SUPT3H: variants seen among roughly 807,000 people sequenced by gnomAD.
SUPT3H encodes the protein transcription initiation protein SPT3 homolog.
A neutral mutation model predicts 44.3 loss-of-function variants in SUPT3H; 44 were observed. The observed-to-expected ratio is 0.99, with a 90% CI of 0.78 to 1.28. The LOEUF is 1.28. SUPT3H is among the 50% of genes most tolerant of loss of function. The probability of loss-of-function intolerance (pLI) is 0.00; values close to 1 mark genes in which losing one functional copy is unlikely to be tolerated. For missense variants in SUPT3H, 380 were observed against 387.1 expected (o/e 0.98, Z 0.15); for synonymous variants, 124 against 125.6 (o/e 0.99, Z 0.09).
chr6:44,947,945 T>C (rs961984357), intron 9 of SUPT3H, among the ~76,000 whole-genome samples: 10 of 152,188 alleles, frequency 6.6e-5, no homozygotes, highest in African/African-American at 2.4e-4. Context: ...CAAAGGTTTC[T>C]TAGGACACAG....
chr6:45,101,455 A>G (rs1319603867), intron 3 of SUPT3H, among the ~76,000 whole-genome samples: 1 of 152,206 alleles, frequency 6.6e-6, no homozygotes, highest in Non-Finnish European at 1.5e-5. Context: ...AGTTGATCTC[A>G]TAATAGTAGA....
At chr6:45,075,165 A>G (rs1794849192) in intron 3 of SUPT3H, among the ~76,000 whole-genome samples, 1 of 152,130 alleles carries the variant, frequency 6.6e-6, no homozygotes, top group Admixed American at 6.5e-5. Flanking sequence ...CACTATTAGC[A>G]GAAATGAAAA....
intron 3 of SUPT3H, among the ~76,000 whole-genome samples, chr6:45,104,194 C>T (rs542958601): frequency 6.6e-6 from 1 of 152,064 alleles, no homozygotes; most frequent in African/African-American, 2.4e-5. Context: ...CATATGCTTC[C>T]TTTTTTATCT....
rs988761710 is a variant in SUPT3H at position 45,162,001 on chromosome 6, T to C, written c.102-55995A>G. On this transcript the variant is annotated intron_variant, in intron 2 of 10. Transcript: ENST00000371459. ...CAACCACAGCATTCCAACAAATACA[T>C]AGGAATGTGTATAACTCTTCAGAAC... Among the ~76,000 whole-genome samples the C allele has an allele frequency of 1.1e-4, 17 of 151,276 alleles. No individual in the cohort carries two copies. The South Asian group carries it at 1.7e-3, about 15-fold the overall frequency.
chr6:45,086,807 C>T (rs930384650), intron 3 of SUPT3H, among the ~76,000 whole-genome samples: 3 of 151,612 alleles, frequency 2.0e-5, no homozygotes, highest in Admixed American at 6.6e-5. Context: ...ATATGTTGAA[C>T]GTAAATCTAT....
chr6:45,243,197 C>CAAAAAAAAAAAAA (rs61643038), intron 2 of SUPT3H, among the ~76,000 whole-genome samples: 1 of 72,562 alleles, frequency 1.4e-5, no homozygotes, highest in African/African-American at 7.4e-5. Context: ...GACTCCTTCT[C>CAAAAAAAAAAAAA]AAAAAAAAAA....
intron 6 of SUPT3H, among the ~76,000 whole-genome samples, chr6:44,985,176 C>CAAATAAAT (rs770281591): frequency 7.9e-6 from 1 of 126,294 alleles, no homozygotes; most frequent in Non-Finnish European, 1.6e-5. Context: ...TCATCTCTAC[C>CAAATAAAT]AAATAAATAA....
intron 11 of SUPT3H, among the ~76,000 whole-genome samples, chr6:44,810,628 C>T (rs924033408): frequency 5.4e-5 from 8 of 147,662 alleles, no homozygotes; most frequent in South Asian, 2.1e-4. Flanking sequence ...GCACTTTTGG[C>T]GGGGCATGGT....
rs1403029562 is a variant in SUPT3H at position 44,894,719 on chromosome 6, T to C, written c.912+37934A>G. On this transcript the variant is annotated intron_variant, in intron 10 of 10. Transcript: ENST00000371459. ...TGGTGATGCGGTTTTTCAAATTATT[T>C]ATAGTCTAATTTAGCAAAGTATTAT... Among the ~76,000 whole-genome samples, 5 of 152,116 alleles carry C rather than the reference T, an allele frequency of 3.3e-5. No individual in the cohort carries two copies. In the East Asian group the frequency reaches 7.7e-4, roughly 23 times the overall value.
intron 2 of SUPT3H, among the ~76,000 whole-genome samples, chr6:45,263,375 A>T (rs537654823): frequency 1.3e-5 from 2 of 152,164 alleles, no homozygotes; most frequent in African/African-American, 4.8e-5. Context: ...GCAAATTAAC[A>T]AAGGAACAGT....
At chr6:44,894,086 A>C in intron 10 of SUPT3H, among the ~76,000 whole-genome samples, 1 of 134,542 alleles carries the variant, frequency 7.4e-6, no homozygotes. Context: ...TTTTTCTTGT[A>C]AATTTGTTGG....
intron 10 of SUPT3H, among the ~76,000 whole-genome samples, chr6:44,924,032 A>T (rs911233433): frequency 1.3e-5 from 2 of 152,120 alleles, no homozygotes; most frequent in African/African-American, 2.4e-5. Context: ...TCTTTGTGAC[A>T]TCTTTAAGTA....
chr6:45,058,783 A>G (rs1404589855), intron 3 of SUPT3H, among the ~76,000 whole-genome samples: 1 of 152,116 alleles, frequency 6.6e-6, no homozygotes, highest in East Asian at 1.9e-4. Flanking sequence ...TTACTAGTCT[A>G]TGAAGTTGCT....
At chr6:44,973,950 G>A (rs557998278) in intron 6 of SUPT3H, among the ~76,000 whole-genome samples, 2 of 152,274 alleles carry the variant, frequency 1.3e-5, no homozygotes, top group South Asian at 4.1e-4. Flanking sequence ...GACACGTGAG[G>A]ATTATGGGAA....
rs182857719 is a variant in SUPT3H, at chr6:44,981,935, G to A, written c.505-20107C>T. ...GCGTGCCTGTAGTCCCAGCTACTGGGGAGGCTAAAGTGGGAGGATCGCTTG... is the reference window on the plus strand; with the variant it reads ...GCGTGCCTGTAGTCCCAGCTACTGGAGAGGCTAAAGTGGGAGGATCGCTTG... On this transcript the variant is annotated intron_variant, in intron 6 of 10. Transcript: ENST00000371459. 4.7e-4 allele frequency among the ~76,000 whole-genome samples: 72 copies of A among 151,914 alleles called. No homozygotes were observed. In the East Asian group the frequency reaches 0.013, roughly 28 times the overall value.
chr6:44,832,739 T>C (rs1351797321), intron 10 of SUPT3H, among the ~76,000 whole-genome samples: 5 of 152,150 alleles, frequency 3.3e-5, no homozygotes, highest in African/African-American at 9.7e-5. Context: ...CATTTATTCA[T>C]ACAGTGCCAA....
intron 4 of SUPT3H, among the ~76,000 whole-genome samples, chr6:45,015,878 T>A (rs1784185010): frequency 6.6e-6 from 1 of 151,908 alleles, no homozygotes; most frequent in African/African-American, 2.4e-5. Flanking sequence ...CCACATCCTG[T>A]CCCACTGGAA....
At chr6:44,928,886 A>ATAAAAAAAAT (rs1474494728) in intron 10 of SUPT3H, among the ~76,000 whole-genome samples, 1 of 122,654 alleles carries the variant, frequency 8.2e-6, no homozygotes, top group African/African-American at 3.2e-5. Context: ...CCGTCTCAAA[A>ATAAAAAAAAT]AAAAAAAAAA....
At position 45,325,077 on chromosome 6, in the gene SUPT3H, A is replaced by G. The variant is rs374231249; in HGVS notation, c.101+40124T>C. On this transcript the variant is annotated intron_variant, in intron 2 of 10. Coordinates refer to ENST00000371459, the MANE Select transcript of SUPT3H (RefSeq NM_003599.4). ...GTCAAAAAAAAGTAAAATAAGAAAC[A>G]GTCACATACCAAGATGAAACAATAA... Among the ~76,000 whole-genome samples the G allele has an allele frequency of 7.0e-4, 107 of 151,952 alleles. 3 individuals are homozygous for G. In the South Asian group the frequency reaches 0.021, roughly 30 times the overall value.
Sources: allele counts gnomAD v4.1 joint callset (sites outside exome capture counted in the v4.1 genomes callset), GRCh38; gene constraint gnomAD v4.1.1; transcripts MANE v1.5; gene names NCBI Gene and HGNC (gene_info 2026-07-23, HGNC 2026-07-21).